The following TNS1 variants were observed in gnomAD, a reference collection of about 807,000 sequenced individuals.
TNS1 encodes the protein tensin 1.
TNS1 carries 62 observed loss-of-function variants against 168.6 expected under a neutral mutation model. The observed-to-expected ratio is 0.37, with a 90% CI of 0.30 to 0.45. The LOEUF (loss-of-function observed/expected upper bound fraction) is 0.45. Ranked by LOEUF, TNS1 falls within the 20% of genes least tolerant of loss-of-function variation. The pLI is 1.00. For synonymous variants in TNS1, 934 were observed against 933.2 expected, an observed-to-expected ratio of 1.00 and a Z score of -0.02; for missense variants, 2,240 against 2,339.4, an observed-to-expected ratio of 0.96 and a Z score of 0.88.
chr2:217,934,524 A>G (rs1388687889), intron 3 of TNS1, among the ~76,000 whole-genome samples: 1 of 152,092 alleles, frequency 6.6e-6, no homozygotes, highest in East Asian at 1.9e-4. Flanking sequence ...CCAGCACATC[A>G]CTTCCTCCCA....
intron 1 of TNS1, among the ~76,000 whole-genome samples, chr2:218,024,500 G>A (rs541431237): frequency 6.6e-6 from 1 of 152,288 alleles, no homozygotes; most frequent in South Asian, 2.1e-4. Context: ...GCTGATGGGG[G>A]CAGTGGAGGC....
intron 12 of TNS1, among the ~76,000 whole-genome samples, chr2:217,888,720 T>G (rs1387169109): frequency 6.6e-6 from 1 of 152,222 alleles, no homozygotes; most frequent in Non-Finnish European, 1.5e-5. Context: ...TGTCACCATG[T>G]GAGATTTGCC....
chr2:217,812,360 G>T lies in TNS1; in HGVS notation c.5032+8C>A, dbSNP rs761331997. 2.9e-5 allele frequency: 47 copies of T among 1,613,000 alleles called. No homozygotes were observed. Among genetic ancestry groups the T allele is most frequent in the Non-Finnish European group, 3.6e-5 (42 of 1,179,288 alleles). On this transcript the variant is annotated splice_region_variant and intron_variant, in intron 28 of 32. Coordinates refer to ENST00000682258, the MANE Select transcript of TNS1 (RefSeq NM_001387777.1). ...GTGGGTGGTGAGCCAGGAGTCTCAC[G>T]TTCCTACCTCGGTTTGGAATGACCA...
rs776894221 is a variant in TNS1 at position 217,818,653 on chromosome 2, G to A, written c.3679C>T (p.Pro1227Ser). ...SGFRSGSLGQ[P>S]SPSAQRNYQS... ...TAGTTTCTCTGGGCAGACGGGCTGG[G>A]CTGTCCCAGGCTGCCTGAGCGGAAG... The change falls in exon 24 of 33, where the codon CCC becomes TCC. Residue 1227 changes from proline to serine, a missense_variant. Coordinates refer to ENST00000682258, the MANE Select transcript of TNS1 (RefSeq NM_001387777.1). 6.2e-7 allele frequency: 1 copy of A among 1,614,188 alleles called. No homozygotes were observed. The highest frequency in any genetic ancestry group is 8.5e-7 in the Non-Finnish European group (1 of 1,180,028).
rs532898419 is a variant in TNS1 at position 217,957,838 on chromosome 2, C to T, written c.186+20927G>A. On this transcript the variant is annotated intron_variant, in intron 3 of 32. Transcript: ENST00000682258. The stretch of plus-strand genomic sequence containing the variant: ...CTGGGGTTTGCTTGAAAAGTACTCC[C>T]GCAAAAAAAAAAAAAAAAAAAAAAG... 6.7e-5 allele frequency among the ~76,000 whole-genome samples: 8 copies of T among 119,798 alleles called. No individual in the cohort carries two copies. The East Asian group carries it at 9.7e-4, about 15-fold the overall frequency. 78.6% of individuals were successfully genotyped at this position (119,798 alleles called of 152,430 possible).
chr2:217,991,322 C>A (rs1432577480), intron 1 of TNS1, among the ~76,000 whole-genome samples: 1 of 151,408 alleles, frequency 6.6e-6, no homozygotes, highest in Non-Finnish European at 1.5e-5. Flanking sequence ...CCGCATGGCT[C>A]CTACCTTGGC....
rs779894835 is a variant in TNS1, at chr2:217,893,001, G to A, written c.729C>T (p.Gly243=). 1.2e-5 allele frequency: 20 copies of A among 1,614,026 alleles called. No individual in the cohort carries two copies. The highest frequency in any genetic ancestry group is 1.5e-5 in the Non-Finnish European group (18 of 1,180,014). The change falls in exon 11 of 33, where the codon GGC becomes GGT. Residue 243 remains glycine (G), a synonymous_variant. Transcript: ENST00000682258. The part of the protein sequence containing the change: ...VVVLHNKGNR[G]RIGVVIAAYM... ...AAGCCGCGATGACAACTCCTATCCTGCCTCGGTTTCCCTGAAAGAGCCCCA... is the reference window on the plus strand; with the variant it reads ...AAGCCGCGATGACAACTCCTATCCTACCTCGGTTTCCCTGAAAGAGCCCCA...
At chr2:217,985,022 G>A (rs941908124) in intron 2 of TNS1, among the ~76,000 whole-genome samples, 2 of 151,336 alleles carry the variant, frequency 1.3e-5, no homozygotes, top group African/African-American at 4.9e-5. Flanking sequence ...CTCCCAAACT[G>A]CTGGGATTAC....
At chr2:217,991,413 A>G (rs1958363270) in intron 1 of TNS1, among the ~76,000 whole-genome samples, 1 of 152,070 alleles carries the variant, frequency 6.6e-6, no homozygotes, top group Non-Finnish European at 1.5e-5. Context: ...TACGTTCCAC[A>G]CATACACCCC....
intron 4 of TNS1, among the ~76,000 whole-genome samples, chr2:217,909,286 C>T (rs1230890322): frequency 1.3e-5 from 2 of 152,158 alleles, no homozygotes; most frequent in East Asian, 3.9e-4. Flanking sequence ...AGGCAGACCA[C>T]AGCGGAACTG....
chr2:217,805,285 T>C (rs1178168061), intron 32 of TNS1, among the ~76,000 whole-genome samples: 1 of 151,880 alleles, frequency 6.6e-6, no homozygotes, highest in Non-Finnish European at 1.5e-5. Flanking sequence ...GCCAGCATGT[T>C]GCTAATTAGA....
chr2:217,909,294 C>T (rs968342628), intron 4 of TNS1, among the ~76,000 whole-genome samples: 3 of 152,156 alleles, frequency 2.0e-5, no homozygotes, highest in East Asian at 1.9e-4. Context: ...CACAGCGGAA[C>T]TGAGATGCAA....
chr2:217,809,815 A>T lies in TNS1; in HGVS notation c.5273+8T>A. 1 of 1,610,354 alleles carries T rather than the reference A, an allele frequency of 6.2e-7. No individual in the cohort carries two copies. Among genetic ancestry groups the T allele is most frequent in the Non-Finnish European group, 8.5e-7 (1 of 1,177,088 alleles). ...AACCCCACCGAGGAGCAGGCAGGGGAGTCTTACTTTCTCTGGTTGTCAGTC... is the reference window on the plus strand; with the variant it reads ...AACCCCACCGAGGAGCAGGCAGGGGTGTCTTACTTTCTCTGGTTGTCAGTC... On this transcript the variant is annotated splice_region_variant and intron_variant, in intron 30 of 32. Coordinates refer to ENST00000682258, the MANE Select transcript of TNS1 (RefSeq NM_001387777.1).
intron 9 of TNS1, 74 bp from the exon 10 acceptor site, chr2:217,893,635 G>T: frequency 6.6e-7 from 1 of 1,524,366 alleles, no homozygotes; most frequent in Non-Finnish European, 8.8e-7. Context: ...AGCCACCTAC[G>T]CCACGTGCCA....
intron 1 of TNS1, among the ~76,000 whole-genome samples, chr2:218,009,473 GC>G (rs1260151054): frequency 2.0e-5 from 3 of 151,692 alleles, no homozygotes; most frequent in African/African-American, 7.3e-5. Context: ...ACCAGGACAC[GC>G]CCACCCACAG....
chr2:217,968,962 G>C (rs1434184923), intron 3 of TNS1, among the ~76,000 whole-genome samples: 1 of 152,124 alleles, frequency 6.6e-6, no homozygotes, highest in Non-Finnish European at 1.5e-5. Context: ...GCCTCCCAAA[G>C]TGCTGGGATT....
chr2:217,910,395 T>G (rs1432957273), intron 4 of TNS1, among the ~76,000 whole-genome samples: 1 of 152,126 alleles, frequency 6.6e-6, no homozygotes, highest in African/African-American at 2.4e-5. Context: ...ACAGCCAGCA[T>G]GCATGCTGCC....
intron 6 of TNS1, among the ~76,000 whole-genome samples, chr2:217,901,012 C>G (rs970026590): frequency 6.6e-6 from 1 of 152,108 alleles, no homozygotes; most frequent in African/African-American, 2.4e-5. Flanking sequence ...CCAGAACAGG[C>G]AGGTGGAGCA....
At chr2:218,021,378 G>A (rs936061170) in intron 1 of TNS1, among the ~76,000 whole-genome samples, 7 of 152,232 alleles carry the variant, frequency 4.6e-5, no homozygotes, top group Non-Finnish European at 1.0e-4. Context: ...GTCACCCATG[G>A]ACCCAGCAGA....
Sources: allele counts gnomAD v4.1 joint callset (sites outside exome capture counted in the v4.1 genomes callset), GRCh38; gene constraint gnomAD v4.1.1; transcripts MANE v1.5; gene names NCBI Gene and HGNC (gene_info 2026-07-23, HGNC 2026-07-21).